CMIP: variants seen among roughly 807,000 people sequenced by gnomAD.
The protein encoded by CMIP is c-Maf inducing protein, also known as C-Maf-inducing protein.
In CMIP, 13 loss-of-function variants were observed where a neutral mutation model predicts 97.3. The ratio of observed to expected loss-of-function variants is 0.13; its 90% CI spans 0.09 to 0.21. The LOEUF (loss-of-function observed/expected upper bound fraction) is 0.21. Among genes scored for constraint, CMIP ranks in the 10% least tolerant of loss-of-function variants. The pLI is 1.00. For synonymous variants in CMIP, 538 were observed against 436.3 expected (o/e 1.23, Z -2.91); for missense variants, 847 against 1,024.9 (o/e 0.83, Z 2.37).
At chr16:81,702,016 C>G (rs1907473180) in intron 16 of CMIP, among the ~76,000 whole-genome samples, 1 of 152,204 alleles carries the variant, frequency 6.6e-6, no homozygotes, top group Non-Finnish European at 1.5e-5. Flanking sequence ...GGGGCCTGGC[C>G]AGGACATTGC....
At chr16:81,598,204 C>T (rs550279272) in intron 1 of CMIP, among the ~76,000 whole-genome samples, 98 of 152,006 alleles carry the variant, frequency 6.4e-4, no homozygotes, top group Non-Finnish European at 1.9e-4. Flanking sequence ...AGCTGACCAA[C>T]AGGAGGGTAT....
intron 1 of CMIP, among the ~76,000 whole-genome samples, chr16:81,488,971 A>G (rs1338672343): frequency 9.2e-6 from 1 of 108,172 alleles, no homozygotes; most frequent in Non-Finnish European, 1.8e-5. Context: ...TCATTCTTTC[A>G]TTCATTTTTT....
intron 1 of CMIP, among the ~76,000 whole-genome samples, chr16:81,527,844 C>T (rs975693759): frequency 2.0e-5 from 3 of 152,176 alleles, no homozygotes; most frequent in South Asian, 2.1e-4. Flanking sequence ...TGGGCATTCA[C>T]GTTGTTGCCT....
chr16:81,485,115 A>T (rs1597466865), intron 1 of CMIP, among the ~76,000 whole-genome samples: 1 of 152,100 alleles, frequency 6.6e-6, no homozygotes, highest in African/African-American at 2.4e-5. Context: ...CAGACGTCTT[A>T]TTTTTTATTC....
intron 1 of CMIP, among the ~76,000 whole-genome samples, chr16:81,537,896 C>T (rs1347007899): frequency 2.0e-5 from 3 of 150,676 alleles, no homozygotes; most frequent in African/African-American, 7.3e-5. Flanking sequence ...CTGAAGGTGT[C>T]GGGGAACTCA....
At chr16:81,467,465 C>T (rs1275926528) in intron 1 of CMIP, among the ~76,000 whole-genome samples, 2 of 152,072 alleles carry the variant, frequency 1.3e-5, no homozygotes, top group Non-Finnish European at 2.9e-5. Flanking sequence ...GATTTGAATG[C>T]GCCACCCTCA....
intron 10 of CMIP, among the ~76,000 whole-genome samples, chr16:81,681,221 T>A (rs1226592981): frequency 6.6e-6 from 1 of 152,254 alleles, no homozygotes; most frequent in Non-Finnish European, 1.5e-5. Context: ...AATTTGGGCC[T>A]GATAACTGTA....
intron 14 of CMIP, among the ~76,000 whole-genome samples, chr16:81,698,921 G>T (rs1303427268): frequency 1.3e-5 from 2 of 152,176 alleles, no homozygotes; most frequent in African/African-American, 2.4e-5. Context: ...AATGGCAGGA[G>T]ATTACATATT....
chr16:81,593,924 C>G (rs1450670431), intron 1 of CMIP, among the ~76,000 whole-genome samples: 1 of 151,886 alleles, frequency 6.6e-6, no homozygotes, highest in African/African-American at 2.4e-5. Context: ...TATTCCTTCC[C>G]TTCCCTCTTC....
intron 1 of CMIP, among the ~76,000 whole-genome samples, chr16:81,471,708 C>T (rs1907569593): frequency 6.6e-6 from 1 of 152,196 alleles, no homozygotes; most frequent in African/African-American, 2.4e-5. Context: ...CCTACGCGTA[C>T]ATACTGGTGA....
chr16:81,546,137 C>G (rs890943452), intron 1 of CMIP, among the ~76,000 whole-genome samples: 1 of 152,200 alleles, frequency 6.6e-6, no homozygotes, highest in Non-Finnish European at 1.5e-5. Context: ...GTTATCGTGT[C>G]TCCTGAAACC....
intron 2 of CMIP, among the ~76,000 whole-genome samples, chr16:81,612,265 C>G (rs2091844176): frequency 6.6e-6 from 1 of 152,164 alleles, no homozygotes; most frequent in Admixed American, 6.5e-5. Context: ...AGCCGCTGCT[C>G]CACAAACAAG....
chr16:81,511,592 ACT>A (rs1397855709), intron 1 of CMIP, among the ~76,000 whole-genome samples: 1 of 152,026 alleles, frequency 6.6e-6, no homozygotes, highest in East Asian at 1.9e-4. Context: ...ACAAGGTCTC[ACT>A]CTGTTGCTCA....
intron 1 of CMIP, among the ~76,000 whole-genome samples, chr16:81,516,840 G>A (rs1354597704): frequency 6.6e-6 from 1 of 152,216 alleles, no homozygotes; most frequent in African/African-American, 2.4e-5. Flanking sequence ...GTGTCAGGTA[G>A]CATAGTGAAA....
Position 81,459,783 on chromosome 16 carries a change from C to T in CMIP, c.300+14242C>T, listed in dbSNP as rs79175667. ...CCTGCCTTTGATCCCCCACTCGGGT[C>T]TGCAGTGACAGAGCACCTGCTTTAG... On this transcript the variant is annotated intron_variant, in intron 1 of 20. Coordinates refer to ENST00000537098, the MANE Select transcript of CMIP (RefSeq NM_198390.3). 9.0e-3 allele frequency among the ~76,000 whole-genome samples: 1,366 copies of T among 152,318 alleles called. 26 individuals carry two copies. The highest frequency in any genetic ancestry group is 0.03 in the African/African-American group (1,266 of 41,572).
At chr16:81,707,567 A>G (rs1206313665) in intron 20 of CMIP, among the ~76,000 whole-genome samples, 1 of 152,188 alleles carries the variant, frequency 6.6e-6, no homozygotes, top group Non-Finnish European at 1.5e-5. Context: ...TTTGAGAGGG[A>G]GCAGGAGTAG....
At chr16:81,550,309 G>A (rs2090627760) in intron 1 of CMIP, among the ~76,000 whole-genome samples, 1 of 152,216 alleles carries the variant, frequency 6.6e-6, no homozygotes, top group African/African-American at 2.4e-5. Context: ...GCACTGGTGT[G>A]GAGTGGCATT....
intron 1 of CMIP, among the ~76,000 whole-genome samples, chr16:81,493,741 A>C (rs940588266): frequency 6.6e-6 from 1 of 152,236 alleles, no homozygotes; most frequent in Non-Finnish European, 1.5e-5. Context: ...ACATACACGA[A>C]GCAACACGCA....
chr16:81,669,298 TCTCACA>T (rs2092653276), intron 7 of CMIP, among the ~76,000 whole-genome samples: 1 of 26,390 alleles, frequency 3.8e-5, no homozygotes, highest in Non-Finnish European at 7.4e-5. Context: ...CACACCCACC[TCTCACA>T]CTCACCTCCT....
Sources: allele counts gnomAD v4.1 joint callset (sites outside exome capture counted in the v4.1 genomes callset), GRCh38; gene constraint gnomAD v4.1.1; transcripts MANE v1.5; gene names NCBI Gene and HGNC (gene_info 2026-07-23, HGNC 2026-07-21).